The following FGGY variants were observed in gnomAD, a reference collection of about 807,000 sequenced individuals.
The protein encoded by FGGY is FGGY carbohydrate kinase domain containing, also known as FGGY carbohydrate kinase domain-containing protein.
FGGY carries 72 observed loss-of-function variants against 71.3 expected under a neutral mutation model. That is an observed-to-expected ratio of 1.01 (90% CI 0.84 to 1.23). The LOEUF is 1.23. FGGY is among the 50% of genes most tolerant of loss of function. The probability of loss-of-function intolerance (pLI) is 0.00; values close to 1 mark genes in which losing one functional copy is unlikely to be tolerated. For missense variants in FGGY, 668 were observed against 682.3 expected, an observed-to-expected ratio of 0.98 and a Z score of 0.23; for synonymous variants, 251 against 250.3, an observed-to-expected ratio of 1.00 and a Z score of -0.02.
intron 14 of FGGY, among the ~76,000 whole-genome samples, chr1:59,717,224 G>T (rs188671440): frequency 6.6e-6 from 1 of 152,186 alleles, no homozygotes; most frequent in African/African-American, 2.4e-5. Flanking sequence ...TTCTTCCTTG[G>T]ATACATGTGC....
intron 11 of FGGY, chr1:59,641,180 C>A: frequency 1.3e-6 from 1 of 787,158 alleles, no homozygotes; most frequent in South Asian, 1.6e-5. Context: ...ATGTGAATGT[C>A]TACAATTTTG....
At chr1:59,591,731 G>T (rs1246014990) in intron 8 of FGGY, among the ~76,000 whole-genome samples, 1 of 152,178 alleles carries the variant, frequency 6.6e-6, no homozygotes, top group Non-Finnish European at 1.5e-5. Context: ...AAACTGGCTA[G>T]CCATATGTAG....
chr1:59,613,644 A>G (rs577365634), intron 9 of FGGY, among the ~76,000 whole-genome samples: 18 of 152,252 alleles, frequency 1.2e-4, no homozygotes, highest in African/African-American at 3.4e-4. Flanking sequence ...AAATAACTAA[A>G]ATCAGAGCAG....
intron 1 of FGGY, among the ~76,000 whole-genome samples, chr1:59,307,358 C>G (rs1015669093): frequency 3.4e-5 from 5 of 146,262 alleles, no homozygotes; most frequent in Non-Finnish European, 7.5e-5. Flanking sequence ...TTAGACAGAT[C>G]AAACTCAATC....
chr1:59,321,357 A>G (rs554734833), intron 1 of FGGY, among the ~76,000 whole-genome samples, 179 bp from the exon 2 acceptor site: 1 of 152,350 alleles, frequency 6.6e-6, no homozygotes, highest in East Asian at 1.9e-4. Context: ...TTCACCCACC[A>G]TGTAGCTCAA....
At chr1:59,690,293 G>T (rs2097578587) in intron 14 of FGGY, among the ~76,000 whole-genome samples, 1 of 152,044 alleles carries the variant, frequency 6.6e-6, no homozygotes, top group Admixed American at 6.5e-5. Flanking sequence ...GTGGTTATTG[G>T]CTCACTTAGT....
chr1:59,725,824 C>G (rs1253982889), intron 14 of FGGY, among the ~76,000 whole-genome samples: 1 of 152,042 alleles, frequency 6.6e-6, no homozygotes, highest in Admixed American at 6.6e-5. Context: ...TTTGTTCATT[C>G]TTTGTGATTT....
At chr1:59,359,709 T>G (rs907966397) in intron 4 of FGGY, among the ~76,000 whole-genome samples, 6 of 152,166 alleles carry the variant, frequency 3.9e-5, no homozygotes, top group Non-Finnish European at 8.8e-5. Flanking sequence ...GGCTATGGAT[T>G]AGATAAACTT....
At chr1:59,612,325 G>C (rs934122709) in intron 9 of FGGY, among the ~76,000 whole-genome samples, 5 of 152,234 alleles carry the variant, frequency 3.3e-5, no homozygotes, top group Non-Finnish European at 5.9e-5. Flanking sequence ...AGCCAGAAGA[G>C]AGTGGGGGCC....
chr1:59,673,947 T>C, intron 13 of FGGY, 92 bp from the exon 14 acceptor site: 2 of 978,004 alleles, frequency 2.0e-6, no homozygotes, highest in Non-Finnish European at 1.6e-6. Context: ...GCTGCCCTGA[T>C]GTCAGGTGTT....
chr1:59,547,993 G>A (rs2095553353), intron 7 of FGGY, among the ~76,000 whole-genome samples: 1 of 152,190 alleles, frequency 6.6e-6, no homozygotes. Flanking sequence ...TTATAGTGTA[G>A]TAGAGGGATT....
chr1:59,385,652 A>G (rs1168884463), intron 5 of FGGY, among the ~76,000 whole-genome samples: 1 of 152,126 alleles, frequency 6.6e-6, no homozygotes, highest in African/African-American at 2.4e-5. Context: ...TCTCCCTCTA[A>G]AGAGATTTGA....
chr1:59,620,509 T>A (rs2096797063), intron 9 of FGGY, among the ~76,000 whole-genome samples: 1 of 152,110 alleles, frequency 6.6e-6, no homozygotes, highest in South Asian at 2.1e-4. Context: ...TTAGATACTT[T>A]ATATAAAGAT....
intron 14 of FGGY, among the ~76,000 whole-genome samples, chr1:59,702,152 G>A (rs998775281): frequency 6.6e-6 from 1 of 151,618 alleles, no homozygotes; most frequent in Non-Finnish European, 1.5e-5. Context: ...CATGAGAACA[G>A]CATGGTGGAA....
chr1:59,721,866 A>G (rs1299788273), intron 14 of FGGY, among the ~76,000 whole-genome samples: 1 of 152,226 alleles, frequency 6.6e-6, no homozygotes, highest in Non-Finnish European at 1.5e-5. Flanking sequence ...ACCAACTTGT[A>G]TCAACATTCA....
intron 8 of FGGY, among the ~76,000 whole-genome samples, chr1:59,599,771 A>G (rs533019777): frequency 7.2e-5 from 11 of 152,054 alleles, no homozygotes; most frequent in African/African-American, 2.7e-4. Context: ...TGAGACAAGA[A>G]TTTATGAACA....
intron 1 of FGGY, among the ~76,000 whole-genome samples, chr1:59,314,274 A>T (rs941415308): frequency 8.5e-5 from 13 of 152,256 alleles, no homozygotes; most frequent in East Asian, 7.7e-4. Context: ...CTAATAAAAA[A>T]ATTTTTTTAA....
intron 6 of FGGY, among the ~76,000 whole-genome samples, chr1:59,506,464 G>A (rs1372656257): frequency 6.6e-6 from 1 of 152,108 alleles, no homozygotes; most frequent in Non-Finnish European, 1.5e-5. Context: ...TGGCAAGGTG[G>A]GATTCTGACC....
chr1:59,381,030 A>G (rs1225380862), intron 5 of FGGY, among the ~76,000 whole-genome samples: 2 of 152,162 alleles, frequency 1.3e-5, no homozygotes, highest in African/African-American at 4.8e-5. Flanking sequence ...TTTTCCCAGC[A>G]CCATTTATTA....
Sources: gnomAD v4.1 joint callset for allele counts (sites outside exome capture counted in the v4.1 genomes callset) on GRCh38, gnomAD v4.1.1 for gene constraint, MANE v1.5 for transcripts, NCBI Gene and HGNC (gene_info 2026-07-23, HGNC 2026-07-21) for gene names.